The following PLPPR5 variants were observed in gnomAD, a reference collection of about 807,000 sequenced individuals.
PLPPR5 encodes phospholipid phosphatase related 5.
PLPPR5 carries 16 observed loss-of-function variants against 33.9 expected under a neutral mutation model. That is an observed-to-expected ratio of 0.47 (90% CI 0.32 to 0.72). PLPPR5 has a LOEUF of 0.72. Ranked by LOEUF, PLPPR5 falls within the 30% of genes least tolerant of loss-of-function variation. PLPPR5 has a pLI of 0.03. For synonymous variants in PLPPR5, 163 were observed against 150.3 expected, an observed-to-expected ratio of 1.08 and a Z score of -0.62; for missense variants, 301 against 406.7, an observed-to-expected ratio of 0.74 and a Z score of 2.23.
intron 1 of PLPPR5, among the ~76,000 whole-genome samples, chr1:98,969,740 C>CCTTT (rs1008525202): frequency 3.7e-4 from 56 of 151,914 alleles, no homozygotes; most frequent in Admixed American, 3.5e-3. Flanking sequence ...TTCCTTCCTT[C>CCTTT]CTTTCTTTCT....
intron 3 of PLPPR5, among the ~76,000 whole-genome samples, chr1:98,940,760 A>G (rs1272170364): frequency 1.3e-5 from 2 of 151,962 alleles, no homozygotes; most frequent in African/African-American, 4.8e-5. Context: ...AGAATAACAT[A>G]TATGAAGAGT....
rs747818110 is a variant in PLPPR5 at position 99,004,633 on chromosome 1, G to C, written c.39C>G (p.Leu13=). 1 of 1,612,878 alleles carries C rather than the reference G, an allele frequency of 6.2e-7. No individual in the cohort carries two copies. Among genetic ancestry groups the C allele is most frequent in the East Asian group, 2.2e-5 (1 of 44,796 alleles). Residue 13 remains leucine (L), a synonymous_variant, in exon 1 of 6, where the codon CTC becomes CTG. Coordinates refer to ENST00000263177, the MANE Select transcript of PLPPR5 (RefSeq NM_001037317.2). ...CTGCCATGATCACCATCTGGAAATA[G>C]AGCATGCTGCTGGTGAGCGCCGCGG... The part of the protein sequence containing the change: ...LLPAALTSSM[L]YFQMVIMAGT...
intron 1 of PLPPR5, among the ~76,000 whole-genome samples, chr1:98,992,878 G>A (rs1652497336): frequency 6.6e-6 from 1 of 152,084 alleles, no homozygotes; most frequent in Non-Finnish European, 1.5e-5. Flanking sequence ...AAAAATAACA[G>A]TATTAGTGAG....
chr1:98,922,999 C>A (rs1451131100), intron 3 of PLPPR5, among the ~76,000 whole-genome samples: 60 of 149,630 alleles, frequency 4.0e-4, no homozygotes, highest in South Asian at 8.4e-4. Context: ...ACAACAACAA[C>A]AACAAAAAAA....
intron 5 of PLPPR5, among the ~76,000 whole-genome samples, chr1:98,907,509 T>C (rs1285412116): frequency 6.6e-6 from 1 of 152,198 alleles, no homozygotes; most frequent in Non-Finnish European, 1.5e-5. Context: ...TCTTGTAATC[T>C]TTTTCTTTTT....
chr1:98,998,286 C>T (rs907140408), intron 1 of PLPPR5, among the ~76,000 whole-genome samples: 4 of 152,112 alleles, frequency 2.6e-5, no homozygotes, highest in African/African-American at 9.7e-5. Flanking sequence ...GTACCTCCAC[C>T]TCTCCATATA....
intron 3 of PLPPR5, 58 bp downstream of exon 3, chr1:98,953,012 C>T (rs1422636949): frequency 3.8e-6 from 6 of 1,582,214 alleles, no homozygotes; most frequent in Non-Finnish European, 4.3e-6. Context: ...AGAATTTCTA[C>T]ATTGGAAAAA....
At chr1:98,999,161 AC>A (rs1164698801) in intron 1 of PLPPR5, among the ~76,000 whole-genome samples, 1 of 152,176 alleles carries the variant, frequency 6.6e-6, no homozygotes, top group Non-Finnish European at 1.5e-5. Flanking sequence ...GAATCCACTA[AC>A]AAACAAAAGT....
intron 1 of PLPPR5, among the ~76,000 whole-genome samples, chr1:98,999,717 C>T (rs1206819308): frequency 1.3e-5 from 2 of 152,126 alleles, no homozygotes; most frequent in Non-Finnish European, 2.9e-5. Context: ...CAATGGGGAG[C>T]TCTAGGTATG....
At chr1:98,980,271 G>T (rs1426437283) in intron 1 of PLPPR5, among the ~76,000 whole-genome samples, 1 of 151,986 alleles carries the variant, frequency 6.6e-6, no homozygotes, top group African/African-American at 2.4e-5. Flanking sequence ...TAACATGACT[G>T]CTTTTACCTG....
At chr1:98,962,974 G>C (rs1015199816) in intron 1 of PLPPR5, among the ~76,000 whole-genome samples, 1 of 152,070 alleles carries the variant, frequency 6.6e-6, no homozygotes, top group Non-Finnish European at 1.5e-5. Context: ...ACAATTTTCA[G>C]TGTGTCCTCA....
chr1:98,940,888 AG>A (rs1242556653), intron 3 of PLPPR5, among the ~76,000 whole-genome samples: 3 of 151,852 alleles, frequency 2.0e-5, no homozygotes, highest in Admixed American at 6.6e-5. Context: ...TTGGGTAACG[AG>A]GGTAGGAATG....
At chr1:98,983,125 T>G (rs1652117423) in intron 1 of PLPPR5, among the ~76,000 whole-genome samples, 1 of 151,736 alleles carries the variant, frequency 6.6e-6, no homozygotes, top group African/African-American at 2.4e-5. Flanking sequence ...TTAGGGTACA[T>G]GTGCACATTG....
In PLPPR5 at chr1:98,924,678, T is replaced by C. The variant is rs562461754; in HGVS notation, c.622-2620A>G. Among the ~76,000 whole-genome samples the C allele has an allele frequency of 2.6e-5, 4 of 152,270 alleles. No individual in the cohort carries two copies. The East Asian group carries it at 7.7e-4, about 29-fold the overall frequency. On this transcript the variant is annotated intron_variant, in intron 3 of 5. Transcript: ENST00000263177. ...TACTTGTCCAAGTTGTATGAGACCA[T>C]AGTAAAATGTGGGCTTGGGCTACAT... is the stretch of plus-strand genomic sequence containing the variant.
intron 4 of PLPPR5, among the ~76,000 whole-genome samples, chr1:98,919,020 T>C (rs1649457767): frequency 6.6e-6 from 1 of 152,170 alleles, no homozygotes; most frequent in African/African-American, 2.4e-5. Flanking sequence ...CTCCATATGG[T>C]ATACTGCACA....
intron 5 of PLPPR5, among the ~76,000 whole-genome samples, chr1:98,908,542 G>A (rs902538848): frequency 6.6e-6 from 1 of 152,120 alleles, no homozygotes; most frequent in Non-Finnish European, 1.5e-5. Context: ...TGCTTTATTT[G>A]AGATATGTGG....
chr1:98,905,052 C>T (rs1389248782), intron 5 of PLPPR5, among the ~76,000 whole-genome samples: 1 of 152,178 alleles, frequency 6.6e-6, no homozygotes, highest in Non-Finnish European at 1.5e-5. Context: ...CAACTGGATT[C>T]TTACGATAGC....
At chr1:98,979,504 G>A (rs1407360302) in intron 1 of PLPPR5, among the ~76,000 whole-genome samples, 3 of 152,052 alleles carry the variant, frequency 2.0e-5, no homozygotes, top group Non-Finnish European at 4.4e-5. Context: ...ATATATGAAT[G>A]CTAGGATGAA....
chr1:98,964,701 C>T (rs528741355), intron 1 of PLPPR5, among the ~76,000 whole-genome samples: 76 of 152,306 alleles, frequency 5.0e-4, no homozygotes, highest in African/African-American at 1.7e-3. Flanking sequence ...CAAACAACCT[C>T]CAAGGAAGAT....
Sources: gnomAD v4.1 joint callset for allele counts (sites outside exome capture counted in the v4.1 genomes callset) on GRCh38, gnomAD v4.1.1 for gene constraint, MANE v1.5 for transcripts, NCBI Gene and HGNC (gene_info 2026-07-23, HGNC 2026-07-21) for gene names.